The following GRID2 variants were observed in gnomAD, a reference collection of about 807,000 sequenced individuals.
GRID2 encodes the protein glutamate receptor ionotropic, delta-2.
A neutral mutation model predicts 114.8 loss-of-function variants in GRID2; 33 were observed. The ratio of observed to expected loss-of-function variants is 0.29; its 90% CI spans 0.22 to 0.38. The LOEUF (loss-of-function observed/expected upper bound fraction) is 0.38. Among genes scored for constraint, GRID2 ranks in the 10% least tolerant of loss-of-function variants. The probability of loss-of-function intolerance (pLI) is 1.00; values close to 1 mark genes in which losing one functional copy is unlikely to be tolerated. For missense variants in GRID2, 1,184 were observed against 1,257.7 expected, an observed-to-expected ratio of 0.94 and a Z score of 0.89; for synonymous variants, 505 against 449.9, an observed-to-expected ratio of 1.12 and a Z score of -1.55.
At chr4:93,619,012 A>G (rs1741967742) in intron 13 of GRID2, among the ~76,000 whole-genome samples, 1 of 152,240 alleles carries the variant, frequency 6.6e-6, no homozygotes, top group South Asian at 2.1e-4. Flanking sequence ...AGAGGTGGGC[A>G]TAACACTTCT....
chr4:93,033,218 A>C (rs2149259933), intron 2 of GRID2, among the ~76,000 whole-genome samples: 1 of 152,302 alleles, frequency 6.6e-6, no homozygotes, highest in Non-Finnish European at 1.5e-5. Flanking sequence ...CTACAAATTC[A>C]GGGTTATCCC....
chr4:92,664,820 T>C (rs565694847), intron 2 of GRID2, among the ~76,000 whole-genome samples: 103 of 151,292 alleles, frequency 6.8e-4, no homozygotes, highest in African/African-American at 2.4e-3. Flanking sequence ...TTAATGTCCA[T>C]ATTTTCTGAT....
intron 13 of GRID2, among the ~76,000 whole-genome samples, chr4:93,600,065 G>A (rs752326309): frequency 9.2e-5 from 14 of 152,310 alleles, no homozygotes; most frequent in African/African-American, 2.4e-4. Flanking sequence ...ATACCACAGC[G>A]TAGACAAAGT....
intron 2 of GRID2, among the ~76,000 whole-genome samples, chr4:92,923,636 G>A (rs1184712734): frequency 2.0e-5 from 3 of 152,066 alleles, no homozygotes; most frequent in Non-Finnish European, 4.4e-5. Flanking sequence ...GATAAACTGC[G>A]ACGTAACTGG....
At chr4:93,702,424 A>G (rs1352118384) in intron 14 of GRID2, among the ~76,000 whole-genome samples, 1 of 152,142 alleles carries the variant, frequency 6.6e-6, no homozygotes, top group African/African-American at 2.4e-5. Flanking sequence ...GCTCTAGTTC[A>G]TTCACTTTAA....
chr4:92,896,702 G>A (rs1747189244), intron 2 of GRID2, among the ~76,000 whole-genome samples: 1 of 152,154 alleles, frequency 6.6e-6, no homozygotes, highest in South Asian at 2.1e-4. Flanking sequence ...TCATTATGTG[G>A]TTCATTAGAT....
chr4:92,789,714 C>T lies in GRID2; in HGVS notation c.244+199428C>T, dbSNP rs565941980. Reference sequence around the variant, plus strand: ...TATTTAAACGTATTTATTTTATTTTCTGCTATGGATAAGTACAATATTTGA... The same window carrying T: ...TATTTAAACGTATTTATTTTATTTTTTGCTATGGATAAGTACAATATTTGA... On this transcript the variant is annotated intron_variant, in intron 2 of 15. Coordinates refer to ENST00000282020, the MANE Select transcript of GRID2 (RefSeq NM_001510.4). Among the ~76,000 whole-genome samples the T allele has an allele frequency of 2.0e-5, 3 of 151,846 alleles. No individual in the cohort carries two copies. In the South Asian group the frequency reaches 6.2e-4, roughly 32 times the overall value.
At chr4:93,471,250 C>G (rs1724770655) in intron 11 of GRID2, among the ~76,000 whole-genome samples, 1 of 152,186 alleles carries the variant, frequency 6.6e-6, no homozygotes, top group East Asian at 1.9e-4. Context: ...ATAATTTCCT[C>G]TGAAAGTAAC....
intron 2 of GRID2, among the ~76,000 whole-genome samples, chr4:92,814,287 A>G (rs1050961025): frequency 2.0e-5 from 3 of 152,186 alleles, no homozygotes; most frequent in Non-Finnish European, 4.4e-5. Context: ...ATAAAGAATA[A>G]GTAGATATAA....
chr4:93,657,010 T>C (rs1049828885), intron 14 of GRID2, among the ~76,000 whole-genome samples: 18 of 152,050 alleles, frequency 1.2e-4, no homozygotes, highest in Non-Finnish European at 2.5e-4. Context: ...TTTACTGCCC[T>C]AGAGGGAAAA....
At chr4:93,636,745 A>G (rs979726486) in intron 14 of GRID2, among the ~76,000 whole-genome samples, 1 of 152,184 alleles carries the variant, frequency 6.6e-6, no homozygotes, top group African/African-American at 2.4e-5. Flanking sequence ...TATAGAGGAA[A>G]CAATCATAGA....
intron 1 of GRID2, among the ~76,000 whole-genome samples, chr4:92,456,635 A>G (rs1320528127): frequency 6.6e-6 from 1 of 152,170 alleles, no homozygotes; most frequent in Non-Finnish European, 1.5e-5. Flanking sequence ...GATCTAATCT[A>G]AAAAGATCTA....
intron 1 of GRID2, among the ~76,000 whole-genome samples, chr4:92,512,993 A>G (rs995308435): frequency 1.3e-5 from 2 of 151,904 alleles, no homozygotes; most frequent in Non-Finnish European, 2.9e-5. Flanking sequence ...ATCATAAAAC[A>G]TAAGTACAAG....
At chr4:93,334,047 G>T (rs1400724559) in intron 8 of GRID2, among the ~76,000 whole-genome samples, 2 of 152,080 alleles carry the variant, frequency 1.3e-5, no homozygotes, top group African/African-American at 2.4e-5. Flanking sequence ...ATAATCAAAG[G>T]ATATACTTTC....
chr4:93,450,517 G>C (rs1186950531), intron 10 of GRID2, among the ~76,000 whole-genome samples: 1 of 151,608 alleles, frequency 6.6e-6, no homozygotes, highest in African/African-American at 2.4e-5. Context: ...TAGATCTTTA[G>C]TTGTTACATA....
chr4:92,541,268 T>C (rs1358256018), intron 1 of GRID2, among the ~76,000 whole-genome samples: 1 of 151,734 alleles, frequency 6.6e-6, no homozygotes, highest in Non-Finnish European at 1.5e-5. Context: ...ATTGTGCACA[T>C]GTACCCTTAA....
chr4:93,795,443 G>A (rs1734778146), intron 1 of GRID2, among the ~76,000 whole-genome samples: 1 of 151,892 alleles, frequency 6.6e-6, no homozygotes. Flanking sequence ...AATTACAAGA[G>A]AAAGAATCAA....
At chr4:93,074,654 T>C (rs1461701701) in intron 2 of GRID2, among the ~76,000 whole-genome samples, 1 of 151,990 alleles carries the variant, frequency 6.6e-6, no homozygotes, top group East Asian at 1.9e-4. Flanking sequence ...AGAGCCGAAA[T>C]CAATGAGATA....
intron 13 of GRID2, among the ~76,000 whole-genome samples, chr4:93,596,317 C>T (rs946185624): frequency 1.3e-5 from 2 of 152,122 alleles, no homozygotes; most frequent in Non-Finnish European, 1.5e-5. Context: ...CGGTGGCTCA[C>T]GCCTGCAGTC....
Sources: allele counts gnomAD v4.1 joint callset (sites outside exome capture counted in the v4.1 genomes callset), GRCh38; gene constraint gnomAD v4.1.1; transcripts MANE v1.5; gene names NCBI Gene and HGNC (gene_info 2026-07-23, HGNC 2026-07-21).